The following ASPH variants were observed in gnomAD, a reference collection of about 807,000 sequenced individuals.
ASPH encodes aspartate beta-hydroxylase.
ASPH carries 100 observed loss-of-function variants against 118.4 expected under a neutral mutation model. That is an observed-to-expected ratio of 0.84 (90% CI 0.72 to 1.00). ASPH has a LOEUF of 1.00. Among genes scored for constraint, ASPH ranks in the 50% least tolerant of loss-of-function variants. ASPH has a pLI of 0.00. For synonymous variants in ASPH, 315 were observed against 325.6 expected (o/e 0.97, Z 0.35); for missense variants, 920 against 919.5 (o/e 1.00, Z -0.01).
intron 3 of ASPH, chr8:61,655,995 AC>A (rs1736140597): frequency 6.6e-6 from 1 of 152,248 alleles, no homozygotes; most frequent in Admixed American, 6.5e-5. Context: ...AATTTGCCGT[AC>A]AAGATTTTAT....
rs77462137 is a variant in ASPH, at chr8:61,639,924, C to T, written c.791-1561G>A. 5.1e-3 allele frequency among the ~76,000 whole-genome samples: 780 copies of T among 152,208 alleles called. 10 individuals carry two copies. Among genetic ancestry groups the T allele is most frequent in the African/African-American group, 0.018 (741 of 41,514 alleles). On this transcript the variant is annotated intron_variant, in intron 10 of 24. Coordinates refer to ENST00000379454, the MANE Select transcript of ASPH (RefSeq NM_004318.4). ...TGTGGCTCTTGGCACCTTGTTGTCT[C>T]CCCCCAGCTACACCCATGCATGAAG...
chr8:61,714,198 G>T (rs940293435), intron 1 of ASPH, 71 bp downstream of exon 1: 1 of 1,355,540 alleles, frequency 7.4e-7, no homozygotes, highest in Non-Finnish European at 9.5e-7. Context: ...TGCACCCGCA[G>T]CGTCCGCCGC....
chr8:61,562,478 T>C (rs941453840), intron 18 of ASPH, among the ~76,000 whole-genome samples: 1 of 151,490 alleles, frequency 6.6e-6, no homozygotes, highest in African/African-American at 2.4e-5. Context: ...AGAAAGACTA[T>C]GTATGGAAAG....
intron 2 of ASPH, among the ~76,000 whole-genome samples, chr8:61,681,380 T>TA (rs2151626582): frequency 6.6e-6 from 1 of 151,918 alleles, no homozygotes; most frequent in South Asian, 2.1e-4. Context: ...ATATATGAAA[T>TA]AATATTGATG....
chr8:61,714,478 C>A lies in ASPH; in HGVS notation c.-107G>T. 3 of 1,344,420 alleles carry A rather than the reference C, an allele frequency of 2.2e-6. No homozygotes were observed. The highest frequency in any genetic ancestry group is 3.7e-5 in the Admixed American group (1 of 26,796). 83.3% of individuals were successfully genotyped at this position (1,344,420 alleles called of 1,614,324 possible). ...CGGCGGCGGGCCGCTGGAGCGGGTT[C>A]GGGCCGCTGCTCCTGCAGCAGACCC... is the stretch of plus-strand genomic sequence containing the variant. On this transcript the variant is annotated 5_prime_UTR_variant, in exon 1 of 25. Transcript: ENST00000379454.
At chr8:61,635,522 T>C (rs897323464) in intron 12 of ASPH, among the ~76,000 whole-genome samples, 15 of 152,124 alleles carry the variant, frequency 9.9e-5, no homozygotes, top group Non-Finnish European at 1.2e-4. Flanking sequence ...ATGTCTGATC[T>C]GGGGCGTTTT....
intron 19 of ASPH, among the ~76,000 whole-genome samples, chr8:61,555,282 A>G (rs1827464979): frequency 6.6e-6 from 1 of 151,824 alleles, no homozygotes. Flanking sequence ...TATTTTATTT[A>G]TTTATTTATT....
rs1265534043 is a variant in ASPH at position 61,587,949 on chromosome 8, C to T, written c.977-3920G>A. Among the ~76,000 whole-genome samples the T allele has an allele frequency of 2.0e-5, 3 of 152,138 alleles. No homozygotes were observed. In the East Asian group the frequency reaches 5.8e-4, roughly 29 times the overall value. On this transcript the variant is annotated intron_variant, in intron 14 of 24. Transcript: ENST00000379454. ...GAACTCTCTCCAGCACTCTGGGCCTCAGCTTTCTTACCCATGGGTAAGAAA... is the reference window on the plus strand; with the variant it reads ...GAACTCTCTCCAGCACTCTGGGCCTTAGCTTTCTTACCCATGGGTAAGAAA...
intron 14 of ASPH, among the ~76,000 whole-genome samples, chr8:61,587,085 C>A (rs948692761): frequency 2.6e-5 from 4 of 152,184 alleles, no homozygotes; most frequent in Admixed American, 1.3e-4. Context: ...AGTAATAAAG[C>A]TGACACTCTG....
chr8:61,607,234 C>T, intron 14 of ASPH: 2 of 699,462 alleles, frequency 2.9e-6, no homozygotes, highest in South Asian at 1.5e-5. Flanking sequence ...CCCTTCCATT[C>T]TTTAAGAAGG....
intron 17 of ASPH, among the ~76,000 whole-genome samples, chr8:61,565,351 C>G (rs969852924): frequency 6.6e-6 from 1 of 152,060 alleles, no homozygotes; most frequent in Non-Finnish European, 1.5e-5. Context: ...ATTTCAACCT[C>G]CATGAATCAT....
intron 7 of ASPH, among the ~76,000 whole-genome samples, 195 bp downstream of exon 7, chr8:61,644,405 G>A (rs754517953): frequency 6.6e-6 from 1 of 151,860 alleles, no homozygotes; most frequent in African/African-American, 2.4e-5. Context: ...TTATCCTCAG[G>A]AACTAGGCAT....
intron 24 of ASPH, among the ~76,000 whole-genome samples, chr8:61,509,810 G>A (rs1258770073): frequency 6.6e-6 from 1 of 151,920 alleles, no homozygotes; most frequent in Non-Finnish European, 1.5e-5. Context: ...AGGGGGGGAG[G>A]GTCTCTGCTG....
chr8:61,701,158 T>C (rs1331269314), intron 1 of ASPH, among the ~76,000 whole-genome samples: 1 of 152,116 alleles, frequency 6.6e-6, no homozygotes, highest in Non-Finnish European at 1.5e-5. Context: ...GAAAGATAAA[T>C]AGTAAGATAT....
At chr8:61,662,394 A>T (rs116132435) in intron 3 of ASPH, among the ~76,000 whole-genome samples, 1 of 152,170 alleles carries the variant, frequency 6.6e-6, no homozygotes, top group Non-Finnish European at 1.5e-5. Flanking sequence ...CTGACTCCCA[A>T]CTACCTAGTA....
intron 1 of ASPH, among the ~76,000 whole-genome samples, chr8:61,713,594 T>G (rs1838600459): frequency 6.6e-6 from 1 of 152,254 alleles, no homozygotes; most frequent in Admixed American, 6.5e-5. Context: ...TTCTCTCTGC[T>G]GGATATGCAC....
chr8:61,565,282 A>C (rs1831305582), intron 17 of ASPH, among the ~76,000 whole-genome samples: 1 of 152,082 alleles, frequency 6.6e-6, no homozygotes, highest in African/African-American at 2.4e-5. Flanking sequence ...CTTACCAGTA[A>C]ATTTTTTTTA....
At chr8:61,540,521 G>A (rs1333697238) in intron 21 of ASPH, among the ~76,000 whole-genome samples, 6 of 152,094 alleles carry the variant, frequency 3.9e-5, no homozygotes, top group Non-Finnish European at 8.8e-5. Flanking sequence ...CTGCAGAACC[G>A]TGAGCCAATT....
intron 3 of ASPH, among the ~76,000 whole-genome samples, chr8:61,679,222 G>C (rs1279176010): frequency 6.6e-6 from 1 of 152,092 alleles, no homozygotes; most frequent in Non-Finnish European, 1.5e-5. Flanking sequence ...AGCTTTATCT[G>C]ATCTGTCTTT....
Sources: gnomAD v4.1 joint callset for allele counts (sites outside exome capture counted in the v4.1 genomes callset) on GRCh38, gnomAD v4.1.1 for gene constraint, MANE v1.5 for transcripts, NCBI Gene and HGNC (gene_info 2026-07-23, HGNC 2026-07-21) for gene names.